The following ZNF469 variants were observed in gnomAD, a reference collection of about 807,000 sequenced individuals.
ZNF469 encodes the protein zinc finger protein 469.
ZNF469 carries 1 observed loss-of-function variant against 1.0 expected under a neutral mutation model. That is an observed-to-expected ratio of 1.00 (90% CI 0.35 to 4.73). ZNF469 has a LOEUF of 4.73. Among genes scored for constraint, ZNF469 ranks in the 30% most tolerant of loss-of-function variants. ZNF469 has a pLI of 0.16. For missense variants in ZNF469, 6,100 were observed against 5,356.3 expected, an observed-to-expected ratio of 1.14 and a Z score of -4.33; for synonymous variants, 2,703 against 2,363.4, an observed-to-expected ratio of 1.14 and a Z score of -4.17.
At chr16:88,400,133 G>C (rs916948609) in intron 1 of ZNF469, among the ~76,000 whole-genome samples, 1 of 152,242 alleles carries the variant, frequency 6.6e-6, no homozygotes, top group Admixed American at 6.5e-5. Flanking sequence ...GCCATCACTG[G>C]GGAGGCGCAG....
At position 88,434,304 on chromosome 16, in the gene ZNF469, C is replaced by T. The variant is rs995224333; in HGVS notation, c.6834C>T (p.Ser2278=). 6.5e-7 allele frequency: 1 copy of T among 1,550,252 alleles called. No homozygotes were observed. The highest frequency in any genetic ancestry group is 8.7e-7 in the Non-Finnish European group (1 of 1,146,970). Reference sequence around the variant, plus strand: ...CTCCTCCTCTGGCAGGGGCCGTCTCCCCCAGCGTGGCCGTCAGGGCTACTG... The same window carrying T: ...CTCCTCCTCTGGCAGGGGCCGTCTCTCCCAGCGTGGCCGTCAGGGCTACTG... ...ATSPPLAGAV[S]PSVAVRATGL... Residue 2278 remains serine, a synonymous_variant, in exon 3 of 3, where the codon TCC becomes TCT. Coordinates refer to ENST00000565624, the MANE Select transcript of ZNF469 (RefSeq NM_001367624.2).
At chr16:88,309,497 G>A in the ZNF469 span, among the ~76,000 whole-genome samples, 1 of 142,452 alleles carries the variant, frequency 7.0e-6, no homozygotes, top group Non-Finnish European at 1.5e-5. Context: ...CAGGACACCT[G>A]ACGGGGGGAG....
At chr16:88,121,136 G>A in the ZNF469 span, among the ~76,000 whole-genome samples, 1 of 119,536 alleles carries the variant, frequency 8.4e-6, no homozygotes, top group Admixed American at 9.4e-5. Context: ...GGGGGGCGCT[G>A]CATGAGGCAC....
At position 88,433,007 on chromosome 16, in the gene ZNF469, C is replaced by A. The variant is rs539550777; in HGVS notation, c.5537C>A (p.Thr1846Lys). 6.5e-7 allele frequency: 1 copy of A among 1,550,260 alleles called. No individual in the cohort carries two copies. The highest frequency in any genetic ancestry group is 1.4e-5 in the African/African-American group (1 of 73,064). Residue 1846 changes from threonine (T) to lysine (K), a missense_variant, in exon 3 of 3, where the codon ACG becomes AAG. Transcript: ENST00000565624. The part of the protein sequence containing the change: ...AGRAGGHLHP[T>K]AGRPGFEGNE... The stretch of plus-strand genomic sequence containing the variant: ...AGAGCAGGTGGGCACCTCCACCCCA[C>A]GGCAGGGAGGCCTGGCTTTGAGGGT...
At chr16:88,239,698 TATATATATA>T in the ZNF469 span, among the ~76,000 whole-genome samples, 5 of 6,826 alleles carry the variant, frequency 7.3e-4, no homozygotes, top group African/African-American at 3.8e-3. Flanking sequence ...TATATATATA[TATATATATA>T]TATATATATT....
the ZNF469 span, among the ~76,000 whole-genome samples, chr16:88,315,785 A>G: frequency 6.6e-6 from 1 of 152,184 alleles, no homozygotes; most frequent in Non-Finnish European, 1.5e-5. Flanking sequence ...AGACAAGAGC[A>G]GGCCTGGGCT....
chr16:88,126,017 C>G, the ZNF469 span, among the ~76,000 whole-genome samples: 2 of 151,138 alleles, frequency 1.3e-5, no homozygotes, highest in Non-Finnish European at 1.5e-5. Context: ...GGTGAAACCC[C>G]GTCTTTACTA....
At chr16:88,132,943 AG>A in the ZNF469 span, among the ~76,000 whole-genome samples, 1 of 152,246 alleles carries the variant, frequency 6.6e-6, no homozygotes, top group Non-Finnish European at 1.5e-5. Context: ...CCACAGGTGA[AG>A]GGCTCACAGA....
the ZNF469 span, among the ~76,000 whole-genome samples, chr16:88,161,160 CA>C: frequency 0.17 from 24,079 of 143,808 alleles, 4,911 homozygotes; most frequent in African/African-American, 0.5. Context: ...GACTCCATCT[CA>C]AAAAAAAAAA....
At position 88,429,613 on chromosome 16, in the gene ZNF469, C is replaced by G; in HGVS notation, c.2143C>G (p.His715Asp). 6.5e-7 allele frequency: 1 copy of G among 1,547,076 alleles called. No individual in the cohort carries two copies. The highest frequency in any genetic ancestry group is 8.7e-7 in the Non-Finnish European group (1 of 1,144,778). The change falls in exon 3 of 3, where the codon CAC (histidine) becomes GAC (aspartate). Residue 715 changes from histidine (H) to aspartate (D), a missense_variant. Coordinates refer to ENST00000565624, the MANE Select transcript of ZNF469 (RefSeq NM_001367624.2). ...FPRAPPPYPT[H>D]HFSLSSASLD... is the part of the protein sequence containing the mutation. Reference sequence around the variant, plus strand: ...CCGTGCGCCGCCTCCGTACCCCACACACCACTTCTCCCTCAGCAGCGCCAG... The same window carrying G: ...CCGTGCGCCGCCTCCGTACCCCACAGACCACTTCTCCCTCAGCAGCGCCAG...
the ZNF469 span, among the ~76,000 whole-genome samples, chr16:88,196,824 GTC>G: frequency 6.6e-6 from 1 of 152,168 alleles, no homozygotes. Context: ...GCACTGTTTT[GTC>G]CGATGCCAAA....
chr16:88,401,976 A>T (rs1904892324), intron 1 of ZNF469, among the ~76,000 whole-genome samples: 3 of 135,280 alleles, frequency 2.2e-5, no homozygotes, highest in Admixed American at 2.2e-4. Flanking sequence ...GGATGGATAG[A>T]TACGTGGGTG....
chr16:88,353,206 G>A, the ZNF469 span, among the ~76,000 whole-genome samples: 3 of 152,270 alleles, frequency 2.0e-5, no homozygotes, highest in East Asian at 3.9e-4. Context: ...CAGAGAGAGC[G>A]CTCCCAGGTC....
the ZNF469 span, among the ~76,000 whole-genome samples, chr16:88,349,893 CACACATCACACACAATACACACT>C: frequency 9.2e-6 from 1 of 108,270 alleles, no homozygotes; most frequent in Non-Finnish European, 2.0e-5. Flanking sequence ...CACACTTGCA[CACACATCACACACAATACACACT>C]ACACACCACA....
At chr16:88,378,575 G>A (rs1296023282), upstream of ZNF469, among the ~76,000 whole-genome samples, 2 of 152,138 alleles carry the variant, frequency 1.3e-5, no homozygotes, top group Non-Finnish European at 2.9e-5. Flanking sequence ...CGCCGAGTCT[G>A]CACCTCTGCC....
the ZNF469 span, among the ~76,000 whole-genome samples, chr16:88,234,122 G>A: frequency 6.6e-6 from 1 of 152,210 alleles, no homozygotes; most frequent in Non-Finnish European, 1.5e-5. Flanking sequence ...GAAGCCCTGT[G>A]TACAAAAGCC....
At chr16:88,369,209 C>T in the ZNF469 span, among the ~76,000 whole-genome samples, 3 of 152,194 alleles carry the variant, frequency 2.0e-5, no homozygotes, top group East Asian at 5.8e-4. Flanking sequence ...CATGGATTCC[C>T]CTCGCCATTC....
At chr16:88,352,261 T>G in the ZNF469 span, among the ~76,000 whole-genome samples, 2 of 152,182 alleles carry the variant, frequency 1.3e-5, no homozygotes, top group Admixed American at 6.5e-5. Flanking sequence ...CTGTGCCCTT[T>G]CAGATGGTGG....
the ZNF469 span, among the ~76,000 whole-genome samples, chr16:88,173,808 T>G: frequency 2.0e-5 from 3 of 152,064 alleles, no homozygotes; most frequent in Non-Finnish European, 4.4e-5. Flanking sequence ...TATTATAAAC[T>G]CTAGAACATT....
Sources: gnomAD v4.1 joint callset for allele counts (sites outside exome capture counted in the v4.1 genomes callset) on GRCh38, gnomAD v4.1.1 for gene constraint, MANE v1.5 for transcripts, NCBI Gene and HGNC (gene_info 2026-07-23, HGNC 2026-07-21) for gene names.